The following SKI variants were observed in gnomAD, a reference collection of about 807,000 sequenced individuals.
SKI encodes the protein ski oncogene.
A neutral mutation model predicts 59.3 loss-of-function variants in SKI; 23 were observed. The ratio of observed to expected loss-of-function variants is 0.39; its 90% CI spans 0.28 to 0.55. The LOEUF is 0.55. Ranked by LOEUF, SKI falls within the 20% of genes least tolerant of loss-of-function variation. The pLI is 0.67. For synonymous variants in SKI, 673 were observed against 488.6 expected, an observed-to-expected ratio of 1.38 and a Z score of -4.98; for missense variants, 1,017 against 1,038.9, an observed-to-expected ratio of 0.98 and a Z score of 0.29.
Position 2,309,991 on chromosome 1 carries a change from AC to A in SKI, c.*3231del, listed in dbSNP as rs906253892. On this transcript the variant is annotated 3_prime_UTR_variant, in exon 7 of 7. Transcript: ENST00000378536. ...CATCTCTACCTTTAACATCACCCAG[AC>A]CCCCGCCCCTGCCCGTGCCCCACGC... is the stretch of plus-strand genomic sequence containing the variant. 1.4e-5 allele frequency: 2 copies of A among 142,082 alleles called. No individual in the cohort carries two copies. The highest frequency in any genetic ancestry group is 1.4e-4 in the Admixed American group (2 of 14,130). The allele number at this position is 142,082 out of a possible 1,614,324, so 8.8% of individuals were successfully genotyped here. A position where few individuals can be genotyped will look rare whatever the true frequency, so the allele number is the denominator to read the frequency against.
chr1:2,309,851 C>A lies in SKI; in HGVS notation c.*3086C>A, dbSNP rs1256597508. The A allele has an allele frequency of 1.2e-5, 1 of 81,428 alleles. No homozygotes were observed. Among genetic ancestry groups the A allele is most frequent in the Non-Finnish European group, 2.4e-5 (1 of 41,352 alleles). The allele number at this position is 81,428 out of a possible 1,614,324, so 5.0% of individuals were successfully genotyped here. On this transcript the variant is annotated 3_prime_UTR_variant, in exon 7 of 7. Transcript: ENST00000378536. Reference sequence around the variant, plus strand: ...CCCCACCCCCTCCTCCCTGTGGGTCCGAACCCCGGCCCCCCCACCCCTCCC... The same window carrying A: ...CCCCACCCCCTCCTCCCTGTGGGTCAGAACCCCGGCCCCCCCACCCCTCCC...
At chr1:2,291,771 G>A (rs1296859433) in intron 1 of SKI, among the ~76,000 whole-genome samples, 1 of 152,254 alleles carries the variant, frequency 6.6e-6, no homozygotes, top group Non-Finnish European at 1.5e-5. Flanking sequence ...GCTACTAATT[G>A]CTACTCAGTT....
chr1:2,277,906 CTCG>C (rs1348487961), intron 1 of SKI, among the ~76,000 whole-genome samples: 1 of 151,748 alleles, frequency 6.6e-6, no homozygotes, highest in Non-Finnish European at 1.5e-5. Context: ...ACTCAACGCA[CTCG>C]TCAGGACCCA....
intron 1 of SKI, among the ~76,000 whole-genome samples, chr1:2,291,735 G>T (rs1640167371): frequency 6.6e-6 from 1 of 152,206 alleles, no homozygotes; most frequent in South Asian, 2.1e-4. Context: ...TGAGGAAGAG[G>T]GCCAGTGCCA....
At chr1:2,278,667 T>A (rs1226651001) in intron 1 of SKI, among the ~76,000 whole-genome samples, 2 of 151,642 alleles carry the variant, frequency 1.3e-5, no homozygotes, top group Non-Finnish European at 2.9e-5. Context: ...TTTTTTTTTT[T>A]AGGAAGTCAC....
chr1:2,306,282 A>AC, intron 6 of SKI, 32 bp downstream of exon 6: 1 of 1,515,002 alleles, frequency 6.6e-7, no homozygotes, highest in Non-Finnish European at 8.9e-7. Flanking sequence ...GGCACGCAGC[A>AC]CGGTGGGCGT....
intron 1 of SKI, among the ~76,000 whole-genome samples, chr1:2,300,756 C>T (rs566741365): frequency 4.6e-5 from 7 of 152,202 alleles, no homozygotes; most frequent in East Asian, 3.9e-4. Flanking sequence ...GTCATGTCTC[C>T]GAAGGCTCGT....
intron 1 of SKI, among the ~76,000 whole-genome samples, chr1:2,297,605 G>A (rs975707065): frequency 1.3e-5 from 2 of 152,214 alleles, no homozygotes; most frequent in Non-Finnish European, 2.9e-5. Context: ...ACTCCACAGC[G>A]TTGCCTATTG....
chr1:2,275,547 T>C (rs1285926332), intron 1 of SKI, among the ~76,000 whole-genome samples: 1 of 152,050 alleles, frequency 6.6e-6, no homozygotes, highest in African/African-American at 2.4e-5. Context: ...GGAGTCTCGC[T>C]CTGTCGCCCA....
rs1165637249 is a variant in SKI, at chr1:2,303,669, C to T, written c.1212-171C>T. 3 of 942,252 alleles carry T rather than the reference C, an allele frequency of 3.2e-6. No individual in the cohort carries two copies. Among genetic ancestry groups the T allele is most frequent in the Non-Finnish European group, 4.8e-6 (3 of 627,832 alleles). 58.4% of individuals were successfully genotyped at this position (942,252 alleles called of 1,614,324 possible). On this transcript the variant is annotated intron_variant, in intron 3 of 6. Coordinates refer to ENST00000378536, the MANE Select transcript of SKI (RefSeq NM_003036.4). This position sits in a 1 kb window ranked among gnomAD's most constrained non-coding sequence, Gnocchi z 5.6. ...CTGTGTCTGGCCTTCGCAAGAGACC[C>T]AGCAAGCAGAAAACGCTTACGGGTT... is the stretch of plus-strand genomic sequence containing the variant.
intron 1 of SKI, among the ~76,000 whole-genome samples, chr1:2,233,855 C>G (rs1025536579): frequency 3.9e-5 from 6 of 152,182 alleles, no homozygotes; most frequent in Admixed American, 3.9e-4. Context: ...TCAAGAGTTT[C>G]TTTCTGGGAC....
chr1:2,298,326 C>T (rs1208850122), intron 1 of SKI, among the ~76,000 whole-genome samples: 1 of 152,186 alleles, frequency 6.6e-6, no homozygotes, highest in East Asian at 1.9e-4. Flanking sequence ...TTTCTTCACT[C>T]TGCGAAGTTC....
chr1:2,283,819 C>T (rs183988498), intron 1 of SKI, among the ~76,000 whole-genome samples: 127 of 152,328 alleles, frequency 8.3e-4, no homozygotes, highest in East Asian at 4.6e-3. Flanking sequence ...CATGTTGTGT[C>T]GGTTTTCATG....
intron 1 of SKI, among the ~76,000 whole-genome samples, chr1:2,256,318 A>G (rs1639275059): frequency 6.6e-6 from 1 of 151,686 alleles, no homozygotes. Flanking sequence ...TCTGTCTTGG[A>G]GTTGCGTGCC....
chr1:2,310,176 A>T lies in SKI; in HGVS notation c.*3411A>T, dbSNP rs1160593827. 1 of 151,990 alleles carries T rather than the reference A, an allele frequency of 6.6e-6. No individual in the cohort carries two copies. The highest frequency in any genetic ancestry group is 1.5e-5 in the Non-Finnish European group (1 of 67,996). The allele number at this position is 151,990 out of a possible 1,614,324, so 9.4% of individuals were successfully genotyped here. A position where few individuals can be genotyped will look rare whatever the true frequency, so the allele number is the denominator to read the frequency against. ...ACCTGTTAGTCCTTCCCCGACCCCG[A>T]AACAGATGACATTGTACAATAAAGG... On this transcript the variant is annotated 3_prime_UTR_variant, in exon 7 of 7. Coordinates refer to ENST00000378536, the MANE Select transcript of SKI (RefSeq NM_003036.4).
At position 2,303,502 on chromosome 1, in the gene SKI, C is replaced by T. The variant is rs1367670589; in HGVS notation, c.1211+102C>T. On this transcript the variant is annotated intron_variant, in intron 3 of 6. Coordinates refer to ENST00000378536, the MANE Select transcript of SKI (RefSeq NM_003036.4). This position sits in a 1 kb window ranked among gnomAD's most constrained non-coding sequence, Gnocchi z 5.6. The stretch of plus-strand genomic sequence containing the variant: ...GTTTCTGCAGGCTGGGTGCCCAGAC[C>T]TGCCGCCTTTTGGTCAGGGCAGTCT... The T allele has an allele frequency of 9.2e-7, 1 of 1,082,714 alleles. No homozygotes were observed. The highest frequency in any genetic ancestry group is 1.6e-5 in the African/African-American group (1 of 64,190). The allele number at this position is 1,082,714 out of a possible 1,614,324, so 67.1% of individuals were successfully genotyped here.
chr1:2,308,574 T>C lies in SKI; in HGVS notation c.*1809T>C, dbSNP rs1190257204. The C allele has an allele frequency of 6.6e-6, 1 of 152,196 alleles. No individual in the cohort carries two copies. The highest frequency in any genetic ancestry group is 1.5e-5 in the Non-Finnish European group (1 of 68,026). 9.4% of individuals were successfully genotyped at this position (152,196 alleles called of 1,614,324 possible). A position where few individuals can be genotyped will look rare whatever the true frequency, so the allele number is the denominator to read the frequency against. On this transcript the variant is annotated 3_prime_UTR_variant, in exon 7 of 7. Coordinates refer to ENST00000378536, the MANE Select transcript of SKI (RefSeq NM_003036.4). ...CGGTTTTGTTATGCAACATGCAGAA[T>C]GCTGTTTTTAGCCTTGTTTTACCAG...
At chr1:2,293,980 C>T (rs1414795256) in intron 1 of SKI, among the ~76,000 whole-genome samples, 1 of 152,210 alleles carries the variant, frequency 6.6e-6, no homozygotes, top group Admixed American at 6.5e-5. Context: ...TTTTCATTCT[C>T]CTTTCATCTG....
chr1:2,271,153 C>T (rs953917609), intron 1 of SKI, among the ~76,000 whole-genome samples: 5 of 152,062 alleles, frequency 3.3e-5, no homozygotes, highest in Non-Finnish European at 7.4e-5. Context: ...TTGTGATTGG[C>T]GACCCCAGGG....
Sources: gnomAD v4.1 joint callset for allele counts (sites outside exome capture counted in the v4.1 genomes callset) on GRCh38, gnomAD v4.1.1 for gene constraint, Gnocchi (gnomAD v3.1) non-coding constraint, MANE v1.5 for transcripts, NCBI Gene and HGNC (gene_info 2026-07-23, HGNC 2026-07-21) for gene names.